The following TIGAR variants were observed in gnomAD, a reference collection of about 807,000 sequenced individuals.
The protein encoded by TIGAR is fructose-2,6-bisphosphatase TIGAR.
In TIGAR, 7 loss-of-function variants were observed where a neutral mutation model predicts 17.9. The observed-to-expected ratio is 0.39, with a 90% CI of 0.22 to 0.73. TIGAR has a LOEUF of 0.73. TIGAR is among the 30% of genes least tolerant of loss of function. The pLI, the probability that TIGAR is intolerant of heterozygous loss-of-function variation, is 0.42. For synonymous variants in TIGAR, 94 were observed against 108.6 expected, an observed-to-expected ratio of 0.87 and a Z score of 0.84; for missense variants, 258 against 327.4, an observed-to-expected ratio of 0.79 and a Z score of 1.64.
At chr12:4,334,599 G>A (rs1220702750) in intron 2 of TIGAR, among the ~76,000 whole-genome samples, 2 of 152,010 alleles carry the variant, frequency 1.3e-5, no homozygotes, top group African/African-American at 4.8e-5. Context: ...ATCTTCATTT[G>A]TTTAGATGGC....
intron 1 of TIGAR, among the ~76,000 whole-genome samples, chr12:4,326,140 G>T (rs1053416813): frequency 3.9e-5 from 6 of 152,280 alleles, no homozygotes; most frequent in African/African-American, 1.4e-4. Flanking sequence ...TAACATCTTG[G>T]CAGAAGCACT....
At chr12:4,333,734 G>A (rs1473336371) in intron 2 of TIGAR, among the ~76,000 whole-genome samples, 1 of 152,184 alleles carries the variant, frequency 6.6e-6, no homozygotes, top group African/African-American at 2.4e-5. Context: ...AAAGTGCTGG[G>A]ATTGCAGGCG....
intron 1 of TIGAR, chr12:4,324,689 G>A (rs1864520651): frequency 1.2e-5 from 11 of 945,738 alleles, no homozygotes; most frequent in Non-Finnish European, 1.2e-5. Flanking sequence ...TGCGGCCGCT[G>A]GCACGCACTG....
chr12:4,342,622 T>C (rs1864735984), intron 3 of TIGAR, among the ~76,000 whole-genome samples: 1 of 152,182 alleles, frequency 6.6e-6, no homozygotes, highest in African/African-American at 2.4e-5. Flanking sequence ...CAGAATTTCA[T>C]ATCCAGCCAA....
In TIGAR at chr12:4,335,147, C is replaced by T. The variant is rs1422467767; in HGVS notation, c.71-1892C>T. ...CCGCCTCCTGGGCTCAAGTGATTCT[C>T]CTGCCTCAGCCTTCCAAGTAGCTGG... On this transcript the variant is annotated intron_variant, in intron 2 of 5. Coordinates refer to ENST00000179259, the MANE Select transcript of TIGAR (RefSeq NM_020375.3). 2.0e-5 allele frequency among the ~76,000 whole-genome samples: 3 copies of T among 152,128 alleles called. No homozygotes were observed. In the East Asian group the frequency reaches 5.8e-4, roughly 29 times the overall value.
chr12:4,335,308 A>AT (rs1459414069), intron 2 of TIGAR, among the ~76,000 whole-genome samples: 3 of 151,296 alleles, frequency 2.0e-5, no homozygotes, highest in African/African-American at 7.3e-5. Context: ...AAGTGCTGGG[A>AT]TTGCAGGCGT....
At chr12:4,341,277 G>T (rs550393140) in intron 3 of TIGAR, among the ~76,000 whole-genome samples, 1 of 149,256 alleles carries the variant, frequency 6.7e-6, no homozygotes. Flanking sequence ...GACAAAGAGA[G>T]GGGGGGCGGT....
intron 1 of TIGAR, chr12:4,324,719 C>A (rs1043383383): frequency 2.9e-6 from 2 of 697,728 alleles, no homozygotes; most frequent in Non-Finnish European, 2.3e-6. Context: ...GTCAGCTGCT[C>A]GCAGGACACG....
At chr12:4,347,021 T>C (rs1864788537) in intron 3 of TIGAR, among the ~76,000 whole-genome samples, 1 of 152,090 alleles carries the variant, frequency 6.6e-6, no homozygotes. Context: ...AAAATAGAGC[T>C]ACCATGTGAT....
At chr12:4,331,786 C>G (rs1329328250) in intron 2 of TIGAR, among the ~76,000 whole-genome samples, 1 of 152,092 alleles carries the variant, frequency 6.6e-6, no homozygotes, top group Non-Finnish European at 1.5e-5. Flanking sequence ...TTCTTTCTCC[C>G]TTTTTCTGTT....
intron 1 of TIGAR, among the ~76,000 whole-genome samples, chr12:4,330,187 T>C (rs1022535341): frequency 1.3e-5 from 2 of 152,116 alleles, no homozygotes; most frequent in Non-Finnish European, 2.9e-5. Context: ...AGTAAATCAG[T>C]CCTATGTGAC....
At chr12:4,343,528 A>C (rs997453738) in intron 3 of TIGAR, among the ~76,000 whole-genome samples, 2 of 152,212 alleles carry the variant, frequency 1.3e-5, no homozygotes, top group African/African-American at 4.8e-5. Flanking sequence ...ATTATAACAA[A>C]CTATCTCTCA....
rs757803376 is a variant in TIGAR at position 4,349,823 on chromosome 12, T to C, written c.197T>C (p.Met66Thr). 1.3e-6 allele frequency: 2 copies of C among 1,582,238 alleles called. No homozygotes were observed. Among genetic ancestry groups the C allele is most frequent in the Non-Finnish European group, 1.7e-6 (2 of 1,167,914 alleles). ...AACAATTGTCTTGATTTTCAGACCA[T>C]GCATGGAATTTTGGAGAGAAGCAAA... is the stretch of plus-strand genomic sequence containing the variant. ...SSDLMRTKQTMHGILERSKFC... is the reference protein window; with the variant it reads ...SSDLMRTKQTTHGILERSKFC... Residue 66 changes from methionine (M) to threonine (T), a missense_variant, in exon 4 of 6, where the codon ATG (methionine) becomes ACG (threonine). Transcript: ENST00000179259.
At chr12:4,336,610 A>G (rs1361627347) in intron 2 of TIGAR, among the ~76,000 whole-genome samples, 2 of 152,198 alleles carry the variant, frequency 1.3e-5, no homozygotes, top group Non-Finnish European at 2.9e-5. Context: ...AGACAAAGAA[A>G]TGGAGGGAGG....
intron 3 of TIGAR, among the ~76,000 whole-genome samples, chr12:4,338,583 A>G (rs1864684970): frequency 6.6e-6 from 1 of 152,212 alleles, no homozygotes; most frequent in Non-Finnish European, 1.5e-5. Context: ...ATTTCTTGAA[A>G]CAAATGATAA....
rs117737413 is a variant in TIGAR at position 4,357,388 on chromosome 12, G to A, written c.*4697G>A. Among the ~76,000 whole-genome samples, 23 of 152,324 alleles carry A rather than the reference G, an allele frequency of 1.5e-4. No homozygotes were observed. The East Asian group carries it at 4.2e-3, about 28-fold the overall frequency. ...GACACAGGAGATGCAAAGGAAAGAA[G>A]TATTCAGTAGAGCGGTGGTGCTGGG... On this transcript the variant is annotated 3_prime_UTR_variant, in exon 6 of 6. Coordinates refer to ENST00000179259, the MANE Select transcript of TIGAR (RefSeq NM_020375.3).
chr12:4,329,887 G>A (rs1864586463), intron 1 of TIGAR, among the ~76,000 whole-genome samples: 1 of 152,092 alleles, frequency 6.6e-6, no homozygotes, highest in Non-Finnish European at 1.5e-5. Context: ...AAGTCAATTA[G>A]CACACAGATG....
intron 1 of TIGAR, among the ~76,000 whole-genome samples, chr12:4,327,153 A>G (rs1864554243): frequency 6.6e-6 from 1 of 152,156 alleles, no homozygotes; most frequent in South Asian, 2.1e-4. Context: ...TCGCACCTAT[A>G]ATCCCAGCAC....
At chr12:4,328,651 A>G (rs1336323495) in intron 1 of TIGAR, among the ~76,000 whole-genome samples, 2 of 148,708 alleles carry the variant, frequency 1.3e-5, no homozygotes, top group Non-Finnish European at 3.0e-5. Context: ...ATCTTGGCTC[A>G]CTGCAACCTC....
Sources: allele counts gnomAD v4.1 joint callset (sites outside exome capture counted in the v4.1 genomes callset), GRCh38; gene constraint gnomAD v4.1.1; transcripts MANE v1.5; gene names NCBI Gene and HGNC (gene_info 2026-07-23, HGNC 2026-07-21).